TNNI3K: variants seen among roughly 807,000 people sequenced by gnomAD.
TNNI3K encodes the protein TNNI3 interacting kinase.
Under a neutral mutation model 114.5 loss-of-function variants are expected in TNNI3K, and 140 were observed. That is an observed-to-expected ratio of 1.22 (90% CI 1.07 to 1.41). The LOEUF is 1.41. Among genes scored for constraint, TNNI3K ranks in the 40% most tolerant of loss-of-function variants. The pLI is 0.00. For missense variants in TNNI3K, 1,125 were observed against 1,007.6 expected, an observed-to-expected ratio of 1.12 and a Z score of -1.58; for synonymous variants, 347 against 347.5, an observed-to-expected ratio of 1.00 and a Z score of 0.02.
chr1:74,484,364 G>A (rs1048524545), intron 21 of TNNI3K, among the ~76,000 whole-genome samples: 4 of 152,204 alleles, frequency 2.6e-5, no homozygotes, highest in African/African-American at 9.6e-5. Context: ...TGCATGCTAG[G>A]CACTGCTCAC....
intron 21 of TNNI3K, among the ~76,000 whole-genome samples, chr1:74,473,929 AGGCATAATCAGAGT>A (rs1459192780): frequency 1.3e-5 from 2 of 152,112 alleles, no homozygotes. Context: ...CCAAGTCAGA[AGGCATAATCAGAGT>A]GGCAATTTTT....
At chr1:74,305,161 G>A (rs1379980411) in intron 5 of TNNI3K, among the ~76,000 whole-genome samples, 1 of 152,122 alleles carries the variant, frequency 6.6e-6, no homozygotes, top group Non-Finnish European at 1.5e-5. Context: ...TAGAGAAGGT[G>A]GGGACCATAT....
At chr1:74,461,790 TTC>T (rs1388613117) in intron 20 of TNNI3K, among the ~76,000 whole-genome samples, 1 of 152,220 alleles carries the variant, frequency 6.6e-6, no homozygotes, top group East Asian at 1.9e-4. Context: ...GCACATCATC[TTC>T]TCTCCTCAAA....
intron 23 of TNNI3K, 145 bp downstream of exon 23, chr1:74,492,411 G>A (rs905431671): frequency 1.5e-5 from 17 of 1,128,026 alleles, no homozygotes; most frequent in Admixed American, 3.6e-5. Flanking sequence ...TTTTTCTTAC[G>A]TTATGACTAA....
At chr1:74,509,875 C>T (rs1670097035) in intron 23 of TNNI3K, among the ~76,000 whole-genome samples, 1 of 150,528 alleles carries the variant, frequency 6.6e-6, no homozygotes, top group Admixed American at 6.6e-5. Flanking sequence ...CTCCTCAGCT[C>T]CCCAAGTAGC....
intron 23 of TNNI3K, among the ~76,000 whole-genome samples, chr1:74,520,635 C>A (rs903503256): frequency 5.9e-5 from 9 of 151,792 alleles, no homozygotes; most frequent in South Asian, 2.1e-4. Flanking sequence ...TGGGAAAAAT[C>A]AATCCTTCTT....
intron 17 of TNNI3K, among the ~76,000 whole-genome samples, chr1:74,413,780 C>G (rs1664996536): frequency 1.3e-5 from 2 of 152,052 alleles, no homozygotes; most frequent in Non-Finnish European, 2.9e-5. Flanking sequence ...TAATAATGTT[C>G]CAAGTGTCTT....
chr1:74,331,642 T>C, intron 6 of TNNI3K, 94 bp downstream of exon 6: 4 of 1,122,926 alleles, frequency 3.6e-6, no homozygotes, highest in South Asian at 2.0e-5. Context: ...ATATTTAAAA[T>C]ATATTTGAAT....
intron 17 of TNNI3K, among the ~76,000 whole-genome samples, chr1:74,433,490 T>A (rs1665985340): frequency 6.6e-6 from 1 of 152,138 alleles, no homozygotes; most frequent in Non-Finnish European, 1.5e-5. Context: ...ACTGAGTGGT[T>A]AGAGAAGGAG....
chr1:74,242,927 CTCTCCCCCTTACCCTTCATCTCT>C, intron 2 of TNNI3K, among the ~76,000 whole-genome samples: 1 of 152,158 alleles, frequency 6.6e-6, no homozygotes. Flanking sequence ...CTATCATTTT[CTCTCCCCCTTACCCTTCATCTCT>C]TCTTCTTTTC....
At chr1:74,490,026 C>A (rs1233716541) in intron 22 of TNNI3K, among the ~76,000 whole-genome samples, 1 of 59,302 alleles carries the variant, frequency 1.7e-5, no homozygotes, top group Admixed American at 2.5e-4. Context: ...GTGGAACCAT[C>A]AAGAAAAGCA....
intron 17 of TNNI3K, among the ~76,000 whole-genome samples, chr1:74,406,057 A>G (rs1664597036): frequency 6.6e-6 from 1 of 152,206 alleles, no homozygotes; most frequent in South Asian, 2.1e-4. Context: ...AAATTGAGAG[A>G]TGGGTCAGTT....
intron 23 of TNNI3K, among the ~76,000 whole-genome samples, chr1:74,506,356 A>G (rs759216410): frequency 6.6e-6 from 1 of 152,172 alleles, no homozygotes; most frequent in Non-Finnish European, 1.5e-5. Flanking sequence ...GAAAGTATAA[A>G]TGGCCTGCCC....
intron 21 of TNNI3K, among the ~76,000 whole-genome samples, chr1:74,485,386 T>G (rs1260522990): frequency 6.6e-6 from 1 of 152,154 alleles, no homozygotes; most frequent in African/African-American, 2.4e-5. Flanking sequence ...GTCGGCCTCA[T>G]GGATGTGTGG....
intron 5 of TNNI3K, among the ~76,000 whole-genome samples, chr1:74,318,456 G>A (rs1397366293): frequency 6.6e-6 from 1 of 152,218 alleles, no homozygotes; most frequent in Non-Finnish European, 1.5e-5. Flanking sequence ...GCTTTATGAA[G>A]AGAGTACACT....
At position 74,540,281 on chromosome 1, in the gene TNNI3K, G is replaced by C. The variant is rs767206334; in HGVS notation, c.2399G>C (p.Arg800Thr). 6.2e-7 allele frequency: 1 copy of C among 1,612,698 alleles called. No homozygotes were observed. Among genetic ancestry groups the C allele is most frequent in the South Asian group, 1.1e-5 (1 of 91,008 alleles). ...SQGLSLEEMK[R>T]SLQYTPIDKY... ...GGTCTGTCTTTGGAGGAGATGAAAAGAAGTCTTCAATACACACCCATTGAC... is the reference window on the plus strand; with the variant it reads ...GGTCTGTCTTTGGAGGAGATGAAAACAAGTCTTCAATACACACCCATTGAC... Residue 800 changes from arginine (R) to threonine (T), a missense_variant, in exon 24 of 25, where the codon AGA becomes ACA. Arg to Thr is a moderately conservative substitution (Grantham distance 71). Transcript: ENST00000326637.
chr1:74,485,572 C>T (rs1355307198), intron 21 of TNNI3K, among the ~76,000 whole-genome samples: 2 of 152,112 alleles, frequency 1.3e-5, no homozygotes, highest in South Asian at 2.1e-4. Context: ...TCAGTGTGGG[C>T]AGAACCTGTG....
intron 21 of TNNI3K, among the ~76,000 whole-genome samples, chr1:74,473,532 A>ATTT (rs11422312): frequency 6.8e-4 from 101 of 149,528 alleles, no homozygotes; most frequent in African/African-American, 2.0e-3. Context: ...TTAAAAGGCT[A>ATTT]TTTTTTTTTT....
intron 4 of TNNI3K, among the ~76,000 whole-genome samples, chr1:74,267,395 A>T (rs529151467): frequency 6.6e-6 from 1 of 152,056 alleles, no homozygotes; most frequent in South Asian, 2.1e-4. Flanking sequence ...TCGATCAGGA[A>T]AACCACTATG....
Sources: allele counts gnomAD v4.1 joint callset (sites outside exome capture counted in the v4.1 genomes callset), GRCh38; gene constraint gnomAD v4.1.1; transcripts MANE v1.5; gene names NCBI Gene and HGNC (gene_info 2026-07-23, HGNC 2026-07-21).